The following EPB41L4A variants were observed in gnomAD, a reference collection of about 807,000 sequenced individuals.
EPB41L4A encodes band 4.1-like protein 4A.
Under a neutral mutation model 108.6 loss-of-function variants are expected in EPB41L4A, and 100 were observed. The observed-to-expected ratio is 0.92, with a 90% CI of 0.78 to 1.09. EPB41L4A has a LOEUF of 1.09. Ranked by LOEUF, EPB41L4A falls within the 50% of genes least tolerant of loss-of-function variation. The pLI is 0.00. For synonymous variants in EPB41L4A, 319 were observed against 289.0 expected, an observed-to-expected ratio of 1.10 and a Z score of -1.05; for missense variants, 1,030 against 842.7, an observed-to-expected ratio of 1.22 and a Z score of -2.75.
intron 1 of EPB41L4A, among the ~76,000 whole-genome samples, chr5:112,344,484 A>G (rs1290128661): frequency 6.6e-6 from 1 of 152,232 alleles, no homozygotes; most frequent in Admixed American, 6.5e-5. Flanking sequence ...ACCAACTCTG[A>G]TAACAGTTTT....
chr5:112,365,261 C>T (rs922879754), intron 1 of EPB41L4A, among the ~76,000 whole-genome samples: 2 of 152,146 alleles, frequency 1.3e-5, no homozygotes, highest in African/African-American at 4.8e-5. Context: ...TATTCACAGG[C>T]ATGATCATAG....
intron 2 of EPB41L4A, among the ~76,000 whole-genome samples, chr5:112,299,316 T>C (rs576110889): frequency 6.9e-4 from 105 of 152,328 alleles, no homozygotes; most frequent in African/African-American, 2.4e-3. Flanking sequence ...CTGCCTTTGC[T>C]GTATCCTAGA....
chr5:112,410,633 C>T (rs1382947119), intron 1 of EPB41L4A, among the ~76,000 whole-genome samples: 1 of 152,104 alleles, frequency 6.6e-6, no homozygotes, highest in African/African-American at 2.4e-5. Flanking sequence ...TCCTGAGCCC[C>T]TCCCCCATGT....
intron 1 of EPB41L4A, among the ~76,000 whole-genome samples, chr5:112,382,022 A>AT (rs1234059586): frequency 5.9e-5 from 9 of 152,342 alleles, no homozygotes; most frequent in South Asian, 4.1e-4. Context: ...GAATGGAAGT[A>AT]TTTTTTCATT....
In EPB41L4A at chr5:112,184,131, G is replaced by T. The variant is rs779606560; in HGVS notation, c.1507C>A (p.Arg503=). Reference sequence around the variant, plus strand: ...GAATCAACCATATCATTCTCCTGCCGTATTCTGAAAGGAAAGCCATGCATC... The same window carrying T: ...GAATCAACCATATCATTCTCCTGCCTTATTCTGAAAGGAAAGCCATGCATC... ...REYRKKRNRI[R]QENDMVDSAP... The change falls in exon 18 of 23, where the codon CGG becomes AGG. Residue 503 remains arginine, a synonymous_variant. Transcript: ENST00000261486. 9 of 1,613,558 alleles carry T rather than the reference G, an allele frequency of 5.6e-6. No homozygotes were observed. The highest frequency in any genetic ancestry group is 5.9e-6 in the Non-Finnish European group (7 of 1,179,782).
intron 2 of EPB41L4A, among the ~76,000 whole-genome samples, chr5:112,296,538 T>A (rs369693500): frequency 3.9e-5 from 6 of 152,188 alleles, no homozygotes; most frequent in Admixed American, 6.5e-5. Flanking sequence ...AATGGACTAA[T>A]TGGAAAGAAA....
chr5:112,370,493 C>G (rs976840141), intron 1 of EPB41L4A, among the ~76,000 whole-genome samples: 1 of 152,130 alleles, frequency 6.6e-6, no homozygotes, highest in African/African-American at 2.4e-5. Flanking sequence ...ACAAAACACC[C>G]TCCTAATCAA....
chr5:112,284,913 C>T (rs1194817979), intron 2 of EPB41L4A, among the ~76,000 whole-genome samples: 1 of 152,184 alleles, frequency 6.6e-6, no homozygotes, highest in Non-Finnish European at 1.5e-5. Flanking sequence ...TTCTCAATTT[C>T]ATCAATTTCC....
chr5:112,366,889 A>G (rs1759153149), intron 1 of EPB41L4A, among the ~76,000 whole-genome samples: 1 of 152,216 alleles, frequency 6.6e-6, no homozygotes, highest in Admixed American at 6.5e-5. Flanking sequence ...AGTGCTTTAC[A>G]GAGTCTGAGG....
Position 112,152,952 on chromosome 5 carries a change from C to G in EPB41L4A, n.994+5449G>C, listed in dbSNP as rs192396120. Among the ~76,000 whole-genome samples, 3 of 152,318 alleles carry G rather than the reference C, an allele frequency of 2.0e-5. No individual in the cohort carries two copies. In the East Asian group the frequency reaches 5.8e-4, roughly 29 times the overall value. On this transcript the variant is annotated intron_variant and non_coding_transcript_variant, in intron 12 of 13. Coordinates refer to the EPB41L4A transcript ENST00000507810. ...ATATATACAGGGCCAGGTGCAGTGG[C>G]TCATGCCTGTAATCCCAGCACTTTG...
rs1366662239 is a variant in EPB41L4A at position 112,307,479 on chromosome 5, T to C, written c.111A>G (p.Lys37=). ...ATACGTGGTCAAGGACAACGGAACC[T>C]TTCGTTGACTTCTGCAAAAATAATT... The part of the protein sequence containing the change: ...TQQQGIKKST[K]GSVVLDHVFH... Residue 37 remains lysine, a synonymous_variant, in exon 2 of 23, where the codon AAA becomes AAG. Coordinates refer to ENST00000261486, the MANE Select transcript of EPB41L4A (RefSeq NM_022140.5). The C allele has an allele frequency of 1.2e-6, 2 of 1,611,662 alleles. No individual in the cohort carries two copies. The highest frequency in any genetic ancestry group is 3.3e-5 in the Admixed American group (2 of 59,918).
chr5:112,215,768 A>AC (rs1330833664), intron 12 of EPB41L4A, among the ~76,000 whole-genome samples: 5,303 of 148,606 alleles, frequency 0.036, 162 homozygotes, highest in Middle Eastern at 0.056. Context: ...ATCTCAAAAA[A>AC]AAAAAAAAAC....
chr5:112,147,939 T>C (rs958652905), intron 12 of EPB41L4A, among the ~76,000 whole-genome samples: 6 of 151,018 alleles, frequency 4.0e-5, no homozygotes, highest in South Asian at 2.1e-4. Flanking sequence ...CTTGGGAAGC[T>C]GAGGCAGGAG....
At chr5:112,417,937 A>G (rs567571573) in intron 1 of EPB41L4A, among the ~76,000 whole-genome samples, 1 of 152,294 alleles carries the variant, frequency 6.6e-6, no homozygotes, top group South Asian at 2.1e-4. Context: ...CACAAAAGGA[A>G]ATGCCCAGGG....
chr5:112,214,652 G>C (rs2150321243), intron 12 of EPB41L4A, among the ~76,000 whole-genome samples: 1 of 152,250 alleles, frequency 6.6e-6, no homozygotes, highest in Middle Eastern at 3.4e-3. Context: ...TGTAGTCCCA[G>C]CTACTCGGGA....
chr5:112,334,135 A>C (rs61061658), intron 1 of EPB41L4A, among the ~76,000 whole-genome samples: 27,098 of 152,072 alleles, frequency 0.18, 2,972 homozygotes, highest in African/African-American at 0.3. Flanking sequence ...TATTAAAATA[A>C]AGATCCTAAA....
intron 4 of EPB41L4A, among the ~76,000 whole-genome samples, chr5:112,269,616 G>T (rs62364135): frequency 0.061 from 9,202 of 152,076 alleles, 336 homozygotes; most frequent in Non-Finnish European, 0.075. Context: ...AGTCTGCCTA[G>T]GAGAGTACTA....
intron 12 of EPB41L4A, among the ~76,000 whole-genome samples, chr5:112,234,424 G>A (rs1749183450): frequency 6.6e-6 from 1 of 151,804 alleles, no homozygotes; most frequent in African/African-American, 2.4e-5. Context: ...GCAGGCCATG[G>A]TGATTCAAGA....
At chr5:112,240,598 T>C (rs1749705008) in intron 10 of EPB41L4A, 121 bp downstream of exon 10, 1 of 590,238 alleles carries the variant, frequency 1.7e-6, no homozygotes, top group Non-Finnish European at 2.9e-6. Flanking sequence ...GAATTAGGAA[T>C]TGAGAAAATT....
Sources: gnomAD v4.1 joint callset for allele counts (sites outside exome capture counted in the v4.1 genomes callset) on GRCh38, gnomAD v4.1.1 for gene constraint, MANE v1.5 for transcripts, NCBI Gene and HGNC (gene_info 2026-07-23, HGNC 2026-07-21) for gene names.